The following CASD1 variants were observed in gnomAD, a reference collection of about 807,000 sequenced individuals.
The protein encoded by CASD1 is CAS1 domain sialic acid O acetyltransferase 1, also known as N-acetylneuraminate (7)9-O-acetyltransferase.
Under a neutral mutation model 100.0 loss-of-function variants are expected in CASD1, and 41 were observed. The ratio of observed to expected loss-of-function variants is 0.41; its 90% CI spans 0.32 to 0.53. The LOEUF is 0.53. Ranked by LOEUF, CASD1 falls within the 20% of genes least tolerant of loss-of-function variation. The probability of loss-of-function intolerance (pLI) is 0.25; values close to 1 mark genes in which losing one functional copy is unlikely to be tolerated. For synonymous variants in CASD1, 321 were observed against 315.6 expected (o/e 1.02, Z -0.18); for missense variants, 774 against 948.7 (o/e 0.82, Z 2.42).
intron 15 of CASD1, 147 bp downstream of exon 15, chr7:94,551,625 A>T (rs1322727952): frequency 3.3e-6 from 1 of 305,710 alleles, no homozygotes; most frequent in Non-Finnish European, 5.7e-6. Context: ...CTTCTCTCCC[A>T]GTAATTGATA....
chr7:94,604,846 T>TAA, the CASD1 span, among the ~76,000 whole-genome samples: 1 of 84,910 alleles, frequency 1.2e-5, no homozygotes, highest in Non-Finnish European at 2.5e-5. Flanking sequence ...TATATATATA[T>TAA]ATATATATAT....
the CASD1 span, chr7:94,625,394 ATT>A: frequency 2.6e-5 from 4 of 152,094 alleles, no homozygotes; most frequent in South Asian, 8.3e-4. Context: ...TTTTATACAT[ATT>A]CATAACACAG....
chr7:94,566,404 T>C, the CASD1 span, among the ~76,000 whole-genome samples: 3 of 151,140 alleles, frequency 2.0e-5, no homozygotes, highest in African/African-American at 7.3e-5. Flanking sequence ...ATAATACTTA[T>C]AAAAAAGAAA....
chr7:94,604,367 C>G, the CASD1 span, among the ~76,000 whole-genome samples: 1 of 151,858 alleles, frequency 6.6e-6, no homozygotes, highest in Non-Finnish European at 1.5e-5. Flanking sequence ...AGTTGACTAA[C>G]TGATCCTAAA....
the CASD1 span, among the ~76,000 whole-genome samples, chr7:94,609,534 A>C: frequency 6.6e-6 from 1 of 152,194 alleles, no homozygotes; most frequent in Non-Finnish European, 1.5e-5. Flanking sequence ...TCTGTCTAAA[A>C]AACAACAACA....
the CASD1 span, chr7:94,594,355 C>G: frequency 6.6e-6 from 1 of 152,074 alleles, no homozygotes; most frequent in African/African-American, 2.4e-5. Context: ...CACTTATTCA[C>G]TAGGCTACAA....
chr7:94,619,768 G>T, the CASD1 span: 1 of 152,122 alleles, frequency 6.6e-6, no homozygotes, highest in African/African-American at 2.4e-5. Context: ...ACAACAAGAG[G>T]GTGTGTAGCT....
At chr7:94,578,892 T>A in the CASD1 span, among the ~76,000 whole-genome samples, 1 of 152,322 alleles carries the variant, frequency 6.6e-6, no homozygotes, top group East Asian at 1.9e-4. Flanking sequence ...AGTCTTCAAA[T>A]TATGTCTTAA....
At chr7:94,624,267 G>A in the CASD1 span, 2 of 397,458 alleles carry the variant, frequency 5.0e-6, no homozygotes. Context: ...AAAAGAGTAG[G>A]ATAAAACTGA....
At chr7:94,534,159 ATTTTTTTTTTTTT>A (rs56864121) in intron 7 of CASD1, among the ~76,000 whole-genome samples, 1 of 100,538 alleles carries the variant, frequency 9.9e-6, no homozygotes, top group South Asian at 3.6e-4. Context: ...CTGTTTCATA[ATTTTTTTTTTTTT>A]TTTTTTTTTT....
chr7:94,562,316 T>C, the CASD1 span, among the ~76,000 whole-genome samples: 1 of 152,236 alleles, frequency 6.6e-6, no homozygotes, highest in African/African-American at 2.4e-5. Context: ...TGCCTAGCCT[T>C]ATAAGCCATC....
At chr7:94,557,458 C>T (rs542437852), downstream of CASD1, among the ~76,000 whole-genome samples, 1 of 152,130 alleles carries the variant, frequency 6.6e-6, no homozygotes, top group South Asian at 2.1e-4. Context: ...CAAAAACTTC[C>T]AAGTACTGTG....
chr7:94,586,061 GAAAAAAAAAAAAA>G, the CASD1 span, among the ~76,000 whole-genome samples: 4 of 28,908 alleles, frequency 1.4e-4, no homozygotes, highest in African/African-American at 4.5e-4. Flanking sequence ...GGAACTAAAT[GAAAAAAAAAAAAA>G]AAAAAAAAAA....
chr7:94,599,149 A>G, the CASD1 span: 1 of 553,882 alleles, frequency 1.8e-6, no homozygotes, highest in South Asian at 2.6e-5. Context: ...AACAAAACTG[A>G]AAATTATAAA....
At chr7:94,571,715 G>A in the CASD1 span, among the ~76,000 whole-genome samples, 1 of 152,106 alleles carries the variant, frequency 6.6e-6, no homozygotes, top group Non-Finnish European at 1.5e-5. Flanking sequence ...AGTAAAAAGT[G>A]AGAGAAAGGA....
At chr7:94,564,856 G>T in the CASD1 span, among the ~76,000 whole-genome samples, 1 of 152,266 alleles carries the variant, frequency 6.6e-6, no homozygotes, top group Non-Finnish European at 1.5e-5. Context: ...AAGCTTTGCA[G>T]TACTCTATAT....
intron 14 of CASD1, 78 bp downstream of exon 14, chr7:94,549,712 T>C (rs1261619166): frequency 9.4e-7 from 1 of 1,061,038 alleles, no homozygotes; most frequent in Non-Finnish European, 1.4e-6. Flanking sequence ...GATCTATCTA[T>C]ACTTAGTTTC....
At chr7:94,526,593 A>C (rs1794580637) in intron 3 of CASD1, among the ~76,000 whole-genome samples, 1 of 152,178 alleles carries the variant, frequency 6.6e-6, no homozygotes, top group Non-Finnish European at 1.5e-5. Flanking sequence ...GTTCGAGACC[A>C]GCTGGGCAAC....
chr7:94,624,276 G>A, the CASD1 span: 86 of 397,426 alleles, frequency 2.2e-4, no homozygotes, highest in Middle Eastern at 1.3e-3. Context: ...GGATAAAACT[G>A]ACTTCAACTA....
Sources: allele counts gnomAD v4.1 joint callset (sites outside exome capture counted in the v4.1 genomes callset), GRCh38; gene constraint gnomAD v4.1.1; transcripts MANE v1.5; gene names NCBI Gene and HGNC (gene_info 2026-07-23, HGNC 2026-07-21).